SCARA3: variants seen among roughly 807,000 people sequenced by gnomAD.
SCARA3 encodes the protein cellular stress response gene protein.
Under a neutral mutation model 47.0 loss-of-function variants are expected in SCARA3, and 39 were observed. The observed-to-expected ratio is 0.83, with a 90% CI of 0.64 to 1.08. SCARA3 has a LOEUF of 1.08. Among genes scored for constraint, SCARA3 ranks in the 50% least tolerant of loss-of-function variants. The probability of loss-of-function intolerance (pLI) is 0.00; values close to 1 mark genes in which losing one functional copy is unlikely to be tolerated. For synonymous variants in SCARA3, 356 were observed against 334.1 expected, an observed-to-expected ratio of 1.07 and a Z score of -0.71; for missense variants, 724 against 792.3, an observed-to-expected ratio of 0.91 and a Z score of 1.04.
chr8:27,652,982 C>T (rs1456707702), intron 3 of SCARA3, among the ~76,000 whole-genome samples: 2 of 152,212 alleles, frequency 1.3e-5, no homozygotes, highest in Non-Finnish European at 2.9e-5. Flanking sequence ...CCCATCACCA[C>T]CTGTGTCTGC....
intron 1 of SCARA3, among the ~76,000 whole-genome samples, chr8:27,646,045 T>C (rs1225520188): frequency 6.6e-6 from 1 of 152,202 alleles, no homozygotes; most frequent in Non-Finnish European, 1.5e-5. Context: ...AGTGGTGAGT[T>C]ACTACAGCAT....
chr8:27,677,027 A>G (rs1222369659), downstream of SCARA3, among the ~76,000 whole-genome samples: 1 of 151,986 alleles, frequency 6.6e-6, no homozygotes, highest in African/African-American at 2.4e-5. Context: ...ATCATCCAAT[A>G]TTGTCATCAT....
chr8:27,708,679 T>G, the SCARA3 span, among the ~76,000 whole-genome samples: 1 of 152,168 alleles, frequency 6.6e-6, no homozygotes, highest in Non-Finnish European at 1.5e-5. Context: ...AGATAATAAC[T>G]TCTTTAAAAA....
chr8:27,669,065 CGA>C (rs1033492254), intron 5 of SCARA3, among the ~76,000 whole-genome samples: 1 of 151,888 alleles, frequency 6.6e-6, no homozygotes, highest in African/African-American at 2.4e-5. Context: ...ACCCAGAAGG[CGA>C]GAGTGGAGAG....
chr8:27,635,703 AC>A (rs1249970878), intron 1 of SCARA3, among the ~76,000 whole-genome samples: 4 of 150,922 alleles, frequency 2.7e-5, no homozygotes, highest in African/African-American at 4.9e-5. Flanking sequence ...CGATCCTCCC[AC>A]CTCAGCCTCC....
At chr8:27,670,845 C>T in intron 5 of SCARA3, 55 bp from the exon 6 acceptor site, 1 of 1,449,548 alleles carries the variant, frequency 6.9e-7, no homozygotes, top group South Asian at 1.4e-5. Context: ...ATGGGCGAGC[C>T]TCGGGTGGGG....
At chr8:27,712,869 GA>G in the SCARA3 span, among the ~76,000 whole-genome samples, 4 of 149,352 alleles carry the variant, frequency 2.7e-5, no homozygotes, top group African/African-American at 4.9e-5. Context: ...TTTTAGTTTT[GA>G]AAAAAAAACC....
chr8:27,655,027 C>G lies in SCARA3; in HGVS notation c.227-1755C>G, dbSNP rs1289110755. ...ACTGTACAGTGCTTGTCTCATGTAA[C>G]AGCATGTGCTTATTCCCAAACTCTC... On this transcript the variant is annotated intron_variant, in intron 3 of 5. Coordinates refer to ENST00000301904, the MANE Select transcript of SCARA3 (RefSeq NM_016240.3). Among the ~76,000 whole-genome samples the G allele has an allele frequency of 2.0e-5, 3 of 152,274 alleles. No homozygotes were observed. The East Asian group carries it at 5.8e-4, about 29-fold the overall frequency.
In SCARA3 at chr8:27,671,129, G is replaced by A. The variant is rs201210049; in HGVS notation, c.1599G>A (p.Pro533=). ...AGGGCAGCTTTGGAACTGGAGGGCCGAGAGGACAGCCAGGCCCAAAAGGGG... is the reference window on the plus strand; with the variant it reads ...AGGGCAGCTTTGGAACTGGAGGGCCAAGAGGACAGCCAGGCCCAAAAGGGG... ...GSKGSFGTGG[P]RGQPGPKGDI... is the part of the protein sequence containing the mutation. Residue 533 remains proline (P), a synonymous_variant, in exon 6 of 6, where the codon CCG becomes CCA. Coordinates refer to ENST00000301904, the MANE Select transcript of SCARA3 (RefSeq NM_016240.3). 3.3e-5 allele frequency: 52 copies of A among 1,579,182 alleles called. No homozygotes were observed. The highest frequency in any genetic ancestry group is 1.3e-4 in the African/African-American group (10 of 74,094).
chr8:27,634,246 G>A (rs756859096), intron 1 of SCARA3, 39 bp downstream of exon 1: 2 of 1,330,624 alleles, frequency 1.5e-6, no homozygotes, highest in Admixed American at 3.1e-5. Flanking sequence ...GAGGGGGGCC[G>A]CCTGCACCCC....
In SCARA3 at chr8:27,670,956, C is replaced by G. The variant is rs555058252; in HGVS notation, c.1426C>G (p.Pro476Ala). The G allele has an allele frequency of 6.3e-7, 1 of 1,596,432 alleles. No individual in the cohort carries two copies. The highest frequency in any genetic ancestry group is 1.1e-5 in the South Asian group (1 of 88,582). Residue 476 changes from proline (P) to alanine (A), a missense_variant, in exon 6 of 6, where the codon CCT (proline) becomes GCT (alanine). Pro to Ala is a conservative substitution (Grantham distance 27, BLOSUM62 -1). Coordinates refer to ENST00000301904, the MANE Select transcript of SCARA3 (RefSeq NM_016240.3). ...GFKGDMGVKG[P>A]VGGRGPKGDP... is the part of the protein sequence containing the mutation. The stretch of plus-strand genomic sequence containing the variant: ...CAAAGGAGATATGGGCGTGAAAGGG[C>G]CTGTTGGCGGCAGAGGCCCGAAAGG...
intron 1 of SCARA3, among the ~76,000 whole-genome samples, chr8:27,641,396 C>A (rs112236255): frequency 1.3e-5 from 2 of 152,198 alleles, no homozygotes; most frequent in Non-Finnish European, 2.9e-5. Context: ...AGGGGGTGAG[C>A]TCATCTTTGG....
At chr8:27,696,061 G>A in the SCARA3 span, among the ~76,000 whole-genome samples, 1 of 151,842 alleles carries the variant, frequency 6.6e-6, no homozygotes, top group Non-Finnish European at 1.5e-5. Flanking sequence ...CCAGGCTGGA[G>A]TGTAGTGGCA....
At chr8:27,648,408 T>C (rs1012254435) in intron 1 of SCARA3, among the ~76,000 whole-genome samples, 5 of 152,118 alleles carry the variant, frequency 3.3e-5, no homozygotes, top group Non-Finnish European at 5.9e-5. Flanking sequence ...ATGGAGACCA[T>C]CCTGGCTAAC....
chr8:27,678,638 C>G (rs1802313462), downstream of SCARA3, among the ~76,000 whole-genome samples: 1 of 152,202 alleles, frequency 6.6e-6, no homozygotes, highest in Admixed American at 6.5e-5. Flanking sequence ...TACACAAAGT[C>G]TTCCAGAAAA....
At chr8:27,695,131 T>C in the SCARA3 span, among the ~76,000 whole-genome samples, 1 of 152,284 alleles carries the variant, frequency 6.6e-6, no homozygotes, top group East Asian at 1.9e-4. Context: ...TAACACCTTG[T>C]TAATATCTCA....
At chr8:27,713,862 A>AT in the SCARA3 span, among the ~76,000 whole-genome samples, 6 of 152,158 alleles carry the variant, frequency 3.9e-5, no homozygotes, top group African/African-American at 9.7e-5. Context: ...CTTGCATTGA[A>AT]TTTTAAGCCC....
At chr8:27,731,517 G>A in the SCARA3 span, among the ~76,000 whole-genome samples, 3 of 151,858 alleles carry the variant, frequency 2.0e-5, no homozygotes, top group African/African-American at 4.8e-5. Context: ...GAGTGATGGT[G>A]CGCGCCTGTA....
In SCARA3 at chr8:27,672,953, C is replaced by G. The variant is rs1406168026; in HGVS notation, c.*1602C>G. 2.0e-6 allele frequency: 2 copies of G among 985,376 alleles called. No homozygotes were observed. Among genetic ancestry groups the G allele is most frequent in the Non-Finnish European group, 2.4e-6 (2 of 829,962 alleles). 61.0% of individuals were successfully genotyped at this position (985,376 alleles called of 1,614,324 possible). A position where few individuals can be genotyped will look rare whatever the true frequency, so the allele number is the denominator to read the frequency against. ...GCACACCCCACGGCCATGTAACTCT[C>G]CTGTCCACATATGATAATACCATTC... On this transcript the variant is annotated 3_prime_UTR_variant, in exon 6 of 6. Transcript: ENST00000301904.
Sources: gnomAD v4.1 joint callset for allele counts (sites outside exome capture counted in the v4.1 genomes callset) on GRCh38, gnomAD v4.1.1 for gene constraint, MANE v1.5 for transcripts, NCBI Gene and HGNC (gene_info 2026-07-23, HGNC 2026-07-21) for gene names.